Variants in MED27 observed in about 807,000 individuals in gnomAD.
MED27 encodes the protein mediator complex subunit 27, also known as mediator of RNA polymerase II transcription subunit 27.
A neutral mutation model predicts 38.2 loss-of-function variants in MED27; 30 were observed. That is an observed-to-expected ratio of 0.79 (90% CI 0.59 to 1.07). The LOEUF is 1.07. Among genes scored for constraint, MED27 ranks in the 50% least tolerant of loss-of-function variants. The probability of loss-of-function intolerance (pLI) is 0.00; values close to 1 mark genes in which losing one functional copy is unlikely to be tolerated. For synonymous variants in MED27, 122 were observed against 153.5 expected, an observed-to-expected ratio of 0.79 and a Z score of 1.52; for missense variants, 289 against 397.5, an observed-to-expected ratio of 0.73 and a Z score of 2.32.
At position 131,939,384 on chromosome 9, in the gene MED27, A is replaced by C; in HGVS notation, c.570T>G (p.Leu190=). The change falls in exon 4 of 8, where the codon CTT becomes CTG. Residue 190 remains leucine (L), a synonymous_variant. Coordinates refer to ENST00000292035, the MANE Select transcript of MED27 (RefSeq NM_004269.4). ...AAATCAGTCAAGCTGATCTTACCAGAAGCATTGCTGATGTTCCATTGGGTC... is the reference window on the plus strand; with the variant it reads ...AAATCAGTCAAGCTGATCTTACCAGCAGCATTGCTGATGTTCCATTGGGTC... The part of the protein sequence containing the change: ...LSRPNGTSAM[L]LVTLGKVLKV... 1 of 1,603,742 alleles carries C rather than the reference A, an allele frequency of 6.2e-7. No homozygotes were observed. The highest frequency in any genetic ancestry group is 8.5e-7 in the Non-Finnish European group (1 of 1,175,626).
chr9:131,899,728 G>A (rs983563353), intron 4 of MED27, among the ~76,000 whole-genome samples: 2 of 152,198 alleles, frequency 1.3e-5, no homozygotes, highest in Admixed American at 6.5e-5. Context: ...CCTGGTGTGC[G>A]CTCTCTAGCA....
At chr9:131,942,375 C>T (rs561768783) in intron 3 of MED27, among the ~76,000 whole-genome samples, 1 of 152,256 alleles carries the variant, frequency 6.6e-6, no homozygotes, top group East Asian at 1.9e-4. Flanking sequence ...AAAGTTTATA[C>T]CAGGTCACTG....
rs80001833 is a variant in MED27 at position 132,024,268 on chromosome 9, C to T, written c.349-9801G>A. On this transcript the variant is annotated intron_variant, in intron 2 of 7. Coordinates refer to ENST00000292035, the MANE Select transcript of MED27 (RefSeq NM_004269.4). ...CTCCCTAAGGCAGGCTTTAAAAGTGCCTTTTCCCTATCTCACAACAAATCC... is the reference window on the plus strand; with the variant it reads ...CTCCCTAAGGCAGGCTTTAAAAGTGTCTTTTCCCTATCTCACAACAAATCC... Among the ~76,000 whole-genome samples the T allele has an allele frequency of 8.9e-3, 1,349 of 152,298 alleles. 7 individuals carry two copies. Among genetic ancestry groups the T allele is most frequent in the South Asian group, 0.027 (131 of 4,830 alleles).
At chr9:131,998,954 G>C (rs1197974775) in intron 3 of MED27, among the ~76,000 whole-genome samples, 1 of 151,998 alleles carries the variant, frequency 6.6e-6, no homozygotes, top group African/African-American at 2.4e-5. Flanking sequence ...CTGTCAAATA[G>C]GGAAAGGACA....
At chr9:131,996,481 G>A (rs902416554) in intron 3 of MED27, among the ~76,000 whole-genome samples, 2 of 152,188 alleles carry the variant, frequency 1.3e-5, no homozygotes, top group African/African-American at 4.8e-5. Context: ...AGTTGATCTT[G>A]ATCCCACGAA....
In MED27 at chr9:132,064,150, G is replaced by A. The variant is rs559067569; in HGVS notation, c.348+13292C>T. Among the ~76,000 whole-genome samples, 9 of 152,334 alleles carry A rather than the reference G, an allele frequency of 5.9e-5. No individual in the cohort carries two copies. In the South Asian group the frequency reaches 1.7e-3, roughly 28 times the overall value. Reference sequence around the variant, plus strand: ...CTGGGAAACATGCAGAATACCAAGTGTGACTTTAAATGGCAAGGTAGATAA... The same window carrying A: ...CTGGGAAACATGCAGAATACCAAGTATGACTTTAAATGGCAAGGTAGATAA... On this transcript the variant is annotated intron_variant, in intron 2 of 7. Transcript: ENST00000292035.
intron 3 of MED27, among the ~76,000 whole-genome samples, chr9:131,995,853 A>C (rs540835716): frequency 1.3e-5 from 2 of 152,304 alleles, no homozygotes; most frequent in East Asian, 3.9e-4. Context: ...TATGCACTGA[A>C]TCAAAGACCT....
At chr9:132,036,109 T>C (rs940388634) in intron 2 of MED27, among the ~76,000 whole-genome samples, 5 of 152,156 alleles carry the variant, frequency 3.3e-5, no homozygotes, top group Non-Finnish European at 7.4e-5. Flanking sequence ...ACAAAAATAT[T>C]CCCTGGCTAA....
At position 131,889,927 on chromosome 9, in the gene MED27, G is replaced by A. The variant is rs529475304; in HGVS notation, c.681+3958C>T. ...CCACCTAGGCACCAACTCAGCAAAC[G>A]CAGGCTGCGTCCCGGGAGCAGCGAC... is the stretch of plus-strand genomic sequence containing the variant. On this transcript the variant is annotated intron_variant, in intron 5 of 7. Transcript: ENST00000292035. The surrounding 1 kb of genome is among the most constrained non-coding windows in gnomAD (Gnocchi z 4.2). Among the ~76,000 whole-genome samples the A allele has an allele frequency of 1.5e-3, 222 of 152,260 alleles. 1 individual carries two copies. The highest frequency in any genetic ancestry group is 2.6e-3 in the Admixed American group (40 of 15,294).
At chr9:131,931,012 A>G (rs775144198) in intron 4 of MED27, among the ~76,000 whole-genome samples, 4 of 152,130 alleles carry the variant, frequency 2.6e-5, no homozygotes, top group Non-Finnish European at 5.9e-5. Flanking sequence ...TTGGGAAGCC[A>G]AGGGGGCAGA....
intron 3 of MED27, among the ~76,000 whole-genome samples, chr9:131,942,407 ACTT>A (rs1197996434): frequency 1.3e-5 from 2 of 151,886 alleles, no homozygotes; most frequent in East Asian, 1.9e-4. Context: ...GCATGTATAT[ACTT>A]CTTCTCTAAA....
intron 3 of MED27, among the ~76,000 whole-genome samples, chr9:131,956,699 A>G (rs1831110790): frequency 3.3e-5 from 5 of 152,146 alleles, no homozygotes; most frequent in Admixed American, 2.0e-4. Context: ...ATGTGTACTT[A>G]ATAAGAATTT....
intron 2 of MED27, among the ~76,000 whole-genome samples, chr9:132,020,441 A>G (rs1220053846): frequency 6.6e-6 from 1 of 152,136 alleles, no homozygotes; most frequent in Non-Finnish European, 1.5e-5. Context: ...CACCCCATAC[A>G]GCTGGGATGT....
intron 4 of MED27, among the ~76,000 whole-genome samples, chr9:131,911,635 C>T (rs1830189788): frequency 6.6e-6 from 1 of 152,136 alleles, no homozygotes; most frequent in East Asian, 1.9e-4. Context: ...ACCTTTGATT[C>T]TAGAAGGTGT....
At chr9:132,079,591 G>C in intron 1 of MED27, 51 bp downstream of exon 1, 1 of 1,573,476 alleles carries the variant, frequency 6.4e-7, no homozygotes, top group Non-Finnish European at 8.7e-7. Flanking sequence ...CGTAGGGGCA[G>C]GGTCGGAGCG....
At chr9:132,023,251 T>C (rs1192817285) in intron 2 of MED27, among the ~76,000 whole-genome samples, 1 of 152,182 alleles carries the variant, frequency 6.6e-6, no homozygotes, top group Non-Finnish European at 1.5e-5. Context: ...ATGAGTACAA[T>C]GAGAACCATC....
intron 6 of MED27, among the ~76,000 whole-genome samples, chr9:131,875,445 C>T (rs1467640125): frequency 6.6e-6 from 1 of 152,124 alleles, no homozygotes; most frequent in African/African-American, 2.4e-5. Context: ...TACCCTGAGC[C>T]ACCGTGTCCA....
At position 132,018,911 on chromosome 9, in the gene MED27, A is replaced by AT. The variant is rs66683766; in HGVS notation, c.349-4445dup. Among the ~76,000 whole-genome samples the AT allele has an allele frequency of 1.6e-3, 250 of 151,560 alleles. 1 individual carries two copies. Among genetic ancestry groups the AT allele is most frequent in the African/African-American group, 5.5e-3 (225 of 41,188 alleles). On this transcript the variant is annotated intron_variant, in intron 2 of 7. Transcript: ENST00000292035. ...CTGGACGTAAGTTATGATTCACTTT[A>AT]TTTTTTTTTTAAATCACTTTGCATA... is the stretch of plus-strand genomic sequence containing the variant.
At chr9:132,026,657 A>C (rs1832825857) in intron 2 of MED27, among the ~76,000 whole-genome samples, 1 of 152,196 alleles carries the variant, frequency 6.6e-6, no homozygotes, top group Non-Finnish European at 1.5e-5. Context: ...ACATACAAAG[A>C]AACCCTCTGC....
Sources: allele counts gnomAD v4.1 joint callset (sites outside exome capture counted in the v4.1 genomes callset), GRCh38; gene constraint gnomAD v4.1.1; non-coding constraint Gnocchi (gnomAD v3.1); transcripts MANE v1.5; gene names NCBI Gene and HGNC (gene_info 2026-07-23, HGNC 2026-07-21).